The following HNRNPA1L2 variants were observed in gnomAD, a reference collection of about 807,000 sequenced individuals.
HNRNPA1L2 encodes heterogeneous nuclear ribonucleoprotein A1-like 2.
In HNRNPA1L2, 10 loss-of-function variants were observed where a neutral mutation model predicts 18.2. That is an observed-to-expected ratio of 0.55 (90% CI 0.34 to 0.93). The LOEUF is 0.93. HNRNPA1L2 is among the 40% of genes least tolerant of loss of function. HNRNPA1L2 has a pLI of 0.02. For synonymous variants in HNRNPA1L2, 124 were observed against 138.6 expected, an observed-to-expected ratio of 0.89 and a Z score of 0.74; for missense variants, 308 against 394.4, an observed-to-expected ratio of 0.78 and a Z score of 1.85.
chr13:52,635,208 GA>G, the HNRNPA1L2 span, among the ~76,000 whole-genome samples: 1 of 152,060 alleles, frequency 6.6e-6, no homozygotes, highest in Non-Finnish European at 1.5e-5. Context: ...AACCGATTCA[GA>G]AAAAGCAAAT....
chr13:52,630,624 G>A, the HNRNPA1L2 span, among the ~76,000 whole-genome samples: 1 of 152,150 alleles, frequency 6.6e-6, no homozygotes, highest in African/African-American at 2.4e-5. Context: ...TCAATACATT[G>A]TGTATTCCGT....
chr13:52,641,113 A>G (rs1352808402), upstream of HNRNPA1L2: 1 of 152,246 alleles, frequency 6.6e-6, no homozygotes, highest in Non-Finnish European at 1.5e-5. Context: ...GCCCTAACAT[A>G]ATCTAGTCAT....
chr13:52,628,507 A>G, the HNRNPA1L2 span, among the ~76,000 whole-genome samples: 6 of 152,200 alleles, frequency 3.9e-5, no homozygotes, highest in South Asian at 2.1e-4. Context: ...TCAGTGACTC[A>G]TTTTGTTTGT....
chr13:52,619,910 A>C, the HNRNPA1L2 span, among the ~76,000 whole-genome samples: 5 of 120,102 alleles, frequency 4.2e-5, no homozygotes. Flanking sequence ...ACAGAGCGAG[A>C]TTCCGTCTCA....
At chr13:52,619,415 C>A in the HNRNPA1L2 span, among the ~76,000 whole-genome samples, 1 of 152,128 alleles carries the variant, frequency 6.6e-6, no homozygotes, top group Non-Finnish European at 1.5e-5. Flanking sequence ...CTGGTTCAAG[C>A]GATTCTTGTG....
At chr13:52,640,659 G>A (rs1035182783), upstream of HNRNPA1L2, 7 of 152,196 alleles carry the variant, frequency 4.6e-5, no homozygotes, top group Admixed American at 3.9e-4. Flanking sequence ...AGAATATAAT[G>A]TCTGCCCTCC....
chr13:52,635,575 AAC>A, the HNRNPA1L2 span, among the ~76,000 whole-genome samples: 14,647 of 142,864 alleles, frequency 0.1, 799 homozygotes, highest in African/African-American at 0.16. Context: ...GTCCTTTTGC[AAC>A]ACACACACAC....
rs1961741020 is a variant in HNRNPA1L2, at chr13:52,643,627, T to C, written c.*172T>C. ...GTATGGGCAAAAAACTCGAGGACTG[T>C]ATTTGTGACTAATTGTATAACAGGT... On this transcript the variant is annotated 3_prime_UTR_variant, in exon 1 of 1. Coordinates refer to ENST00000357495, the MANE Select transcript of HNRNPA1L2 (RefSeq NM_001389320.1). The C allele has an allele frequency of 3.2e-6, 2 of 625,072 alleles. No individual in the cohort carries two copies. The highest frequency in any genetic ancestry group is 5.2e-5 in the Admixed American group (2 of 38,780). The allele number at this position is 625,072 out of a possible 1,614,324, so 38.7% of individuals were successfully genotyped here.
chr13:52,623,465 G>A, the HNRNPA1L2 span, among the ~76,000 whole-genome samples: 1 of 152,164 alleles, frequency 6.6e-6, no homozygotes, highest in South Asian at 2.1e-4. Flanking sequence ...ATTGCAGGAT[G>A]GGTGTGATGT....
upstream of HNRNPA1L2, among the ~76,000 whole-genome samples, chr13:52,639,694 C>CA (rs10661534): frequency 0.23 from 16,820 of 73,342 alleles, 1,469 homozygotes; most frequent in African/African-American, 0.25. Context: ...GACCCTGTCT[C>CA]AAAAAAAAAA....
Position 52,642,645 on chromosome 13 carries a change from C to A in HNRNPA1L2, c.153C>A (p.Thr51=). The change falls in exon 1 of 1, where the codon ACC becomes ACA. Residue 51 remains threonine, a synonymous_variant. Transcript: ENST00000357495. The part of the protein sequence containing the change: ...TDCVVMRDPN[T]KRSRGFGFVT... ...GTGTGGTAATGAGAGATCCAAACAC[C>A]AAGCGCTCCAGGGGCTTTGGGTTTG... is the stretch of plus-strand genomic sequence containing the variant. 6.2e-7 allele frequency: 1 copy of A among 1,611,680 alleles called. No individual in the cohort carries two copies. Among genetic ancestry groups the A allele is most frequent in the East Asian group, 2.2e-5 (1 of 44,864 alleles).
rs1212099086 is a variant in HNRNPA1L2, at chr13:52,643,527, G to A, written c.*72G>A. Reference sequence around the variant, plus strand: ...GGAAGCTACAGGTTACAACAGATTTGTGAACTCAGCCAAGCACAGTGGTGG... The same window carrying A: ...GGAAGCTACAGGTTACAACAGATTTATGAACTCAGCCAAGCACAGTGGTGG... On this transcript the variant is annotated 3_prime_UTR_variant, in exon 1 of 1. Coordinates refer to ENST00000357495, the MANE Select transcript of HNRNPA1L2 (RefSeq NM_001389320.1). 5.9e-6 allele frequency: 8 copies of A among 1,351,864 alleles called. No homozygotes were observed. In the East Asian group the frequency reaches 1.9e-4, roughly 32 times the overall value. The allele number at this position is 1,351,864 out of a possible 1,614,324, so 83.7% of individuals were successfully genotyped here.
the HNRNPA1L2 span, among the ~76,000 whole-genome samples, chr13:52,625,006 G>T: frequency 1.3e-5 from 2 of 151,938 alleles, no homozygotes; most frequent in Non-Finnish European, 1.5e-5. Flanking sequence ...ACTCCAGCAT[G>T]GGCAACAGAG....
chr13:52,632,107 A>C, the HNRNPA1L2 span, among the ~76,000 whole-genome samples: 19 of 152,066 alleles, frequency 1.2e-4, no homozygotes, highest in East Asian at 1.5e-3. Flanking sequence ...TAGTTTTATA[A>C]TTTTTCACAA....
chr13:52,625,337 A>T, the HNRNPA1L2 span, among the ~76,000 whole-genome samples: 1 of 151,758 alleles, frequency 6.6e-6, no homozygotes, highest in Non-Finnish European at 1.5e-5. Flanking sequence ...CTGGCCTCGA[A>T]CTCCTGACCT....
the HNRNPA1L2 span, among the ~76,000 whole-genome samples, chr13:52,624,381 G>A: frequency 1.3e-5 from 2 of 152,112 alleles, no homozygotes; most frequent in Non-Finnish European, 2.9e-5. Context: ...CCAAGTGCTG[G>A]GATTACAGGC....
the HNRNPA1L2 span, among the ~76,000 whole-genome samples, chr13:52,636,645 TAG>T: frequency 2.0e-5 from 3 of 152,194 alleles, no homozygotes; most frequent in Non-Finnish European, 4.4e-5. Flanking sequence ...CTAATTTTGA[TAG>T]AGTTAAAATA....
the HNRNPA1L2 span, among the ~76,000 whole-genome samples, chr13:52,621,044 T>A: frequency 6.6e-6 from 1 of 152,210 alleles, no homozygotes; most frequent in Non-Finnish European, 1.5e-5. Flanking sequence ...AATGAATGAT[T>A]TTTAAATATA....
At chr13:52,639,694 CA>C (rs10661534), upstream of HNRNPA1L2, among the ~76,000 whole-genome samples, 2,004 of 73,532 alleles carry the variant, frequency 0.027, 28 homozygotes, top group Admixed American at 0.077. Flanking sequence ...GACCCTGTCT[CA>C]AAAAAAAAAA....
Sources: allele counts gnomAD v4.1 joint callset (sites outside exome capture counted in the v4.1 genomes callset), GRCh38; gene constraint gnomAD v4.1.1; transcripts MANE v1.5; gene names NCBI Gene and HGNC (gene_info 2026-07-23, HGNC 2026-07-21).